Variants in RFC5 observed in about 807,000 individuals in gnomAD.
The protein encoded by RFC5 is replication factor C subunit 5.
A neutral mutation model predicts 44.3 loss-of-function variants in RFC5; 26 were observed. The observed-to-expected ratio is 0.59, with a 90% CI of 0.43 to 0.81. RFC5 has a LOEUF of 0.81. Ranked by LOEUF, RFC5 falls within the 40% of genes least tolerant of loss-of-function variation. The pLI is 0.00. For synonymous variants in RFC5, 155 were observed against 155.2 expected (o/e 1.00, Z 0.01); for missense variants, 328 against 418.6 (o/e 0.78, Z 1.89).
At chr12:118,040,028 TAA>T in the RFC5 span, among the ~76,000 whole-genome samples, 2 of 151,914 alleles carry the variant, frequency 1.3e-5, no homozygotes, top group African/African-American at 4.8e-5. Flanking sequence ...TTAATATTTT[TAA>T]AAAGTTAGTC....
At chr12:118,022,427 T>C in intron 5 of RFC5, 68 bp downstream of exon 5, 1 of 1,095,132 alleles carries the variant, frequency 9.1e-7, no homozygotes. Context: ...GAACTTTGTG[T>C]TTGTTGCTGT....
downstream of RFC5, chr12:118,034,593 CGGCACAGCCCTT>C: frequency 7.4e-6 from 4 of 541,826 alleles, no homozygotes; most frequent in Non-Finnish European, 9.7e-6. Flanking sequence ...GTCTCTCTCT[CGGCACAGCCCTT>C]TCTAAATCTG....
chr12:118,036,340 G>A (rs1175349906), downstream of RFC5: 2 of 1,613,832 alleles, frequency 1.2e-6, no homozygotes, highest in South Asian at 2.2e-5. Flanking sequence ...GTCCTTACTG[G>A]AGTGACCTCA....
At chr12:118,027,879 C>A in intron 8 of RFC5, 74 bp from the exon 9 acceptor site, 1 of 897,824 alleles carries the variant, frequency 1.1e-6, no homozygotes, top group Non-Finnish European at 1.9e-6. Context: ...GTCTCTTGCC[C>A]GGGTTTGGAT....
chr12:118,031,284 C>CT lies in RFC5; in HGVS notation c.*7dup. ...TGATTGTTGCAGAGGCCTAGATGCT[C>CT]TGAGGGCCATTCACAATTCTCAGGG... is the stretch of plus-strand genomic sequence containing the variant. On this transcript the variant is annotated 3_prime_UTR_variant, in exon 11 of 11. Transcript: ENST00000454402. 1 of 1,582,924 alleles carries CT rather than the reference C, an allele frequency of 6.3e-7. No homozygotes were observed. The highest frequency in any genetic ancestry group is 1.7e-5 in the Admixed American group (1 of 59,764).
rs751126946 is a variant in RFC5, at chr12:118,031,261, A to T, written c.1006A>T (p.Ile336Phe). 1.2e-6 allele frequency: 2 copies of T among 1,612,506 alleles called. No homozygotes were observed. Among genetic ancestry groups the T allele is most frequent in the South Asian group, 2.2e-5 (2 of 91,016 alleles). Reference protein sequence around the residue: ...IAAFQVTRDLIVAEA With the variant: ...IAAFQVTRDLFVAEA ...TGCATTTCAAGTCACCAGAGACCTG[A>T]TTGTTGCAGAGGCCTAGATGCTCTG... The change falls in exon 11 of 11, where the codon ATT becomes TTT. Residue 336 changes from isoleucine (I) to phenylalanine (F), a missense_variant. Coordinates refer to ENST00000454402, the MANE Select transcript of RFC5 (RefSeq NM_007370.7).
At chr12:118,020,863 C>A in intron 3 of RFC5, 43 bp from the exon 4 acceptor site, 1 of 1,324,920 alleles carries the variant, frequency 7.5e-7, no homozygotes, top group Non-Finnish European at 1.1e-6. Flanking sequence ...ACAGATAGCA[C>A]AGCAACATGG....
chr12:118,026,986 T>C lies in RFC5; in HGVS notation c.761T>C (p.Met254Thr). ...KSDIANILDW[M>T]LNQDFTTAYR... Reference sequence around the variant, plus strand: ...GACATTGCCAACATCCTGGACTGGATGTTGAATCAAGATTTCACCACAGCC... The same window carrying C: ...GACATTGCCAACATCCTGGACTGGACGTTGAATCAAGATTTCACCACAGCC... Residue 254 changes from methionine (M) to threonine (T), a missense_variant, in exon 8 of 11, where the codon ATG (methionine) becomes ACG (threonine). Coordinates refer to ENST00000454402, the MANE Select transcript of RFC5 (RefSeq NM_007370.7). 1 of 1,613,766 alleles carries C rather than the reference T, an allele frequency of 6.2e-7. No individual in the cohort carries two copies. The highest frequency in any genetic ancestry group is 1.1e-5 in the South Asian group (1 of 91,074).
intron 7 of RFC5, among the ~76,000 whole-genome samples, chr12:118,026,579 A>G (rs2030957286): frequency 6.6e-6 from 1 of 152,232 alleles, no homozygotes; most frequent in Non-Finnish European, 1.5e-5. Context: ...AGCCTGAGCA[A>G]CAGAGCAAGA....
chr12:118,025,933 C>CGACAGAGTCTTGCTCTGT, intron 7 of RFC5, 105 bp downstream of exon 7: 2 of 697,420 alleles, frequency 2.9e-6, no homozygotes, highest in Non-Finnish European at 5.0e-6. Flanking sequence ...ACTGCAACCT[C>CGACAGAGTCTTGCTCTGT]CGCCTCCTGG....
chr12:118,031,743 C>G lies in RFC5; in HGVS notation c.*465C>G, dbSNP rs1172016361. The G allele has an allele frequency of 1.3e-5, 2 of 152,160 alleles. No homozygotes were observed. Among genetic ancestry groups the G allele is most frequent in the African/African-American group, 2.4e-5 (1 of 41,408 alleles). The allele number at this position is 152,160 out of a possible 1,614,324, so 9.4% of individuals were successfully genotyped here. ...TCTAATTTAAACAGATGTTAATGGA[C>G]GTCTGGCCGAAACTATTATACTTTT... On this transcript the variant is annotated 3_prime_UTR_variant, in exon 11 of 11. Coordinates refer to ENST00000454402, the MANE Select transcript of RFC5 (RefSeq NM_007370.7).
downstream of RFC5, among the ~76,000 whole-genome samples, chr12:118,037,560 C>A (rs907656220): frequency 8.6e-5 from 13 of 150,940 alleles, no homozygotes; most frequent in Non-Finnish European, 1.6e-4. Flanking sequence ...CCCAGCTACT[C>A]GGGAGGCTGA....
rs5745895 is a variant in RFC5 at position 118,032,070 on chromosome 12, A to G, written c.*792A>G. 0.027 allele frequency: 4,116 copies of G among 152,322 alleles called. 84 individuals carry two copies. Among genetic ancestry groups the G allele is most frequent in the Non-Finnish European group, 0.045 (3,030 of 68,030 alleles). The allele number at this position is 152,322 out of a possible 1,614,324, so 9.4% of individuals were successfully genotyped here. A position where few individuals can be genotyped will look rare whatever the true frequency, so the allele number is the denominator to read the frequency against. On this transcript the variant is annotated 3_prime_UTR_variant, in exon 11 of 11. Transcript: ENST00000454402. ...ACAGCAATCATGCTGCATTTGTGTT[A>G]GTGTTCTTTATAATAAAAAACAAAG...
In RFC5 at chr12:118,029,851, A is replaced by T. The variant is rs772197789; in HGVS notation, c.926+26A>T. The stretch of plus-strand genomic sequence containing the variant: ...GTGAGTACTTCTTGCCCCAGTTTTA[A>T]TTCTTTTCTTCCTTTTTTCCCCTGT... On this transcript the variant is annotated intron_variant, in intron 10 of 10. Transcript: ENST00000454402. The T allele has an allele frequency of 9.9e-6, 15 of 1,515,470 alleles. No homozygotes were observed. In the South Asian group the frequency reaches 1.3e-4, roughly 14 times the overall value. The allele number at this position is 1,515,470 out of a possible 1,614,324, so 93.9% of individuals were successfully genotyped here. A position where few individuals can be genotyped will look rare whatever the true frequency, so the allele number is the denominator to read the frequency against.
chr12:118,040,967 T>C, the RFC5 span, among the ~76,000 whole-genome samples: 1 of 152,210 alleles, frequency 6.6e-6, no homozygotes, highest in Non-Finnish European at 1.5e-5. Flanking sequence ...AAGAATGACT[T>C]GAACCTGGGA....
intron 7 of RFC5, 88 bp downstream of exon 7, chr12:118,025,916 T>A: frequency 1.3e-6 from 1 of 789,808 alleles, no homozygotes; most frequent in South Asian, 1.5e-5. Context: ...CAACACAATC[T>A]CAGCTCACTG....
chr12:118,020,946 G>C lies in RFC5; in HGVS notation c.308G>C (p.Gly103Ala). ...SDDRGIDIIRGPILSFASTRT... is the reference protein window; with the variant it reads ...SDDRGIDIIRAPILSFASTRT... Reference sequence around the variant, plus strand: ...GACCGAGGAATAGACATCATTCGAGGACCGATCCTGAGCTTTGCTAGCACA... The same window carrying C: ...GACCGAGGAATAGACATCATTCGAGCACCGATCCTGAGCTTTGCTAGCACA... The change falls in exon 4 of 11, where the codon GGA becomes GCA. Residue 103 changes from glycine (G) to alanine (A), a missense_variant. Physicochemically the swap from Gly to Ala is moderately conservative, Grantham distance 60 (BLOSUM62 0). Transcript: ENST00000454402. 6.2e-7 allele frequency: 1 copy of C among 1,612,276 alleles called. No homozygotes were observed.
chr12:118,031,149 C>CT (rs1401426473), intron 10 of RFC5, 33 bp from the exon 11 acceptor site: 4 of 1,521,010 alleles, frequency 2.6e-6, no homozygotes, highest in Middle Eastern at 1.7e-4. Context: ...TGTTTGGTGT[C>CT]TTTTTTCTTA....
the RFC5 span, chr12:118,038,452 G>T: frequency 6.6e-7 from 1 of 1,509,922 alleles, no homozygotes; most frequent in Non-Finnish European, 9.1e-7. Flanking sequence ...TGGAGAACGG[G>T]AGAACTGGGG....
Sources: allele counts gnomAD v4.1 joint callset (sites outside exome capture counted in the v4.1 genomes callset), GRCh38; gene constraint gnomAD v4.1.1; transcripts MANE v1.5; gene names NCBI Gene and HGNC (gene_info 2026-07-23, HGNC 2026-07-21).